SRP19: variants seen among roughly 807,000 people sequenced by gnomAD.
SRP19 encodes the protein signal recognition particle 19.
Under a neutral mutation model 22.4 loss-of-function variants are expected in SRP19, and 11 were observed. The observed-to-expected ratio is 0.49, with a 90% CI of 0.31 to 0.81. The LOEUF (loss-of-function observed/expected upper bound fraction) is 0.81. Ranked by LOEUF, SRP19 falls within the 40% of genes least tolerant of loss-of-function variation. The pLI, the probability that SRP19 is intolerant of heterozygous loss-of-function variation, is 0.05. For synonymous variants in SRP19, 61 were observed against 57.6 expected (o/e 1.06, Z -0.27); for missense variants, 168 against 175.9 (o/e 0.96, Z 0.25).
At chr5:112,883,522 C>T (rs1768139975) in intron 4 of SRP19, among the ~76,000 whole-genome samples, 1 of 152,180 alleles carries the variant, frequency 6.6e-6, no homozygotes, top group South Asian at 2.1e-4. Flanking sequence ...TGCTTCTCAT[C>T]TCTCCAGTCT....
chr5:112,865,201 T>G (rs999148018), intron 4 of SRP19: 1 of 152,586 alleles, frequency 6.6e-6, no homozygotes, highest in African/African-American at 2.4e-5. Context: ...ATATTACTAT[T>G]TATTGATAGA....
chr5:112,897,747 G>A (rs1768734083), downstream of SRP19: 1 of 152,060 alleles, frequency 6.6e-6, no homozygotes, highest in African/African-American at 2.4e-5. Context: ...TATTAACTCT[G>A]CAAAAAATAA....
intron 4 of SRP19, chr5:112,885,319 G>T: frequency 5.7e-6 from 1 of 174,392 alleles, no homozygotes; most frequent in Non-Finnish European, 1.2e-5. Flanking sequence ...ACAGCAAGTG[G>T]TAGATTTAGA....
At chr5:112,878,914 A>G (rs1208681811) in intron 4 of SRP19, 2 of 1,606,196 alleles carry the variant, frequency 1.2e-6, no homozygotes, top group South Asian at 1.1e-5. Flanking sequence ...TTTGTGCCTA[A>G]TGTAGCTACT....
At position 112,883,685 on chromosome 5, in the gene SRP19, A is replaced by C. The variant is rs73789237; in HGVS notation, c.302-7918A>C. ...TCCAGACCTGTTTCTTGAACTCTTG[A>C]CACCTGTATCCAACTAGCTATTTGA... On this transcript the variant is annotated intron_variant, in intron 4 of 4. Coordinates refer to the SRP19 transcript ENST00000391338. Among the ~76,000 whole-genome samples the C allele has an allele frequency of 7.5e-3, 1,137 of 152,268 alleles. 12 individuals are homozygous for C. Among genetic ancestry groups the C allele is most frequent in the African/African-American group, 0.026 (1,068 of 41,534 alleles).
intron 4 of SRP19, among the ~76,000 whole-genome samples, chr5:112,887,561 C>T (rs530638284): frequency 3.7e-4 from 56 of 152,182 alleles, no homozygotes; most frequent in African/African-American, 1.3e-3. Flanking sequence ...ACAGATAAGC[C>T]TAATATCTAG....
chr5:112,884,727 T>C (rs920871869), intron 4 of SRP19, among the ~76,000 whole-genome samples: 1 of 152,046 alleles, frequency 6.6e-6, no homozygotes, highest in African/African-American at 2.4e-5. Flanking sequence ...CCTTCTGGTA[T>C]AGATTTCCTA....
At chr5:112,872,322 C>CTTTT (rs759571945), downstream of SRP19, among the ~76,000 whole-genome samples, 1,045 of 92,644 alleles carry the variant, frequency 0.011, 52 homozygotes, top group East Asian at 0.029. Context: ...CCAAATGATT[C>CTTTT]TTTTTTTTTT....
exon 5 of SRP19, chr5:112,891,638 A>G (rs764465956): frequency 6.2e-7 from 1 of 1,602,100 alleles, no homozygotes; most frequent in Non-Finnish European, 8.5e-7. Flanking sequence ...GGTGCTGGCA[A>G]GATGGCTGCA....
At chr5:112,874,583 A>G (rs1767852450), downstream of SRP19, among the ~76,000 whole-genome samples, 1 of 152,330 alleles carries the variant, frequency 6.6e-6, no homozygotes, top group Non-Finnish European at 1.5e-5. Context: ...TTAAGATACA[A>G]AGATAGCATT....
intron 4 of SRP19, 99 bp from the exon 5 acceptor site, chr5:112,867,305 C>T: frequency 7.3e-7 from 1 of 1,377,784 alleles, no homozygotes; most frequent in Middle Eastern, 1.9e-4. Flanking sequence ...TTTCCATTTT[C>T]TTGATGTGAT....
At chr5:112,884,735 C>T (rs529535117) in intron 4 of SRP19, among the ~76,000 whole-genome samples, 11 of 151,680 alleles carry the variant, frequency 7.3e-5, no homozygotes, top group African/African-American at 2.4e-4. Flanking sequence ...TATAGATTTC[C>T]TAAACGTCTC....
intron 2 of SRP19, 107 bp downstream of exon 2, chr5:112,862,690 A>G (rs1767452259): frequency 1.0e-6 from 1 of 954,036 alleles, no homozygotes; most frequent in Admixed American, 2.2e-5. Flanking sequence ...CACTGCATTT[A>G]TTTAGGGCTT....
intron 2 of SRP19, 53 bp downstream of exon 2, chr5:112,862,636 T>C: frequency 6.5e-7 from 1 of 1,528,524 alleles, no homozygotes; most frequent in South Asian, 1.1e-5. Flanking sequence ...GGTGTCATCC[T>C]GGTCGGGCCA....
rs1189202252 is a variant in SRP19 at position 112,868,064 on chromosome 5, TCTGTAGATGATATTTTA to T, written c.*528_*544del. 2 of 985,374 alleles carry T rather than the reference TCTGTAGATGATATTTTA, an allele frequency of 2.0e-6. No individual in the cohort carries two copies. The highest frequency in any genetic ancestry group is 1.2e-6 in the Non-Finnish European group (1 of 829,954). The allele number at this position is 985,374 out of a possible 1,614,324, so 61.0% of individuals were successfully genotyped here. On this transcript the variant is annotated 3_prime_UTR_variant, in exon 5 of 5. Coordinates refer to ENST00000505459, the MANE Select transcript of SRP19 (RefSeq NM_003135.3). ...GACAGGGGAGTCTGTAAAAAGCCAG[TCTGTAGATGATATTTTA>T]ATATATTATTGTAATCGAATCGTTC...
In SRP19 at chr5:112,866,171, C is replaced by T. The variant is rs192504473; in HGVS notation, c.302-1233C>T. ...TGCTCTTGTTGCCCAGGCTGCAGTG[C>T]AATGGCGTGATCTTGGCTCACCGCA... On this transcript the variant is annotated intron_variant, in intron 4 of 4. Coordinates refer to ENST00000505459, the MANE Select transcript of SRP19 (RefSeq NM_003135.3). 4.2e-3 allele frequency among the ~76,000 whole-genome samples: 631 copies of T among 150,386 alleles called. 7 individuals are homozygous for T. Among genetic ancestry groups the T allele is most frequent in the African/African-American group, 0.015 (610 of 40,810 alleles).
chr5:112,882,327 A>G (rs1286188059), intron 4 of SRP19, among the ~76,000 whole-genome samples: 1 of 152,070 alleles, frequency 6.6e-6, no homozygotes. Context: ...CTCATTGTAG[A>G]TGATGATGGA....
chr5:112,896,770 T>G (rs753010317), downstream of SRP19: 1 of 151,270 alleles, frequency 6.6e-6, no homozygotes, highest in Non-Finnish European at 1.5e-5. Context: ...CCGTCTCTAC[T>G]AAAAATACAA....
downstream of SRP19, among the ~76,000 whole-genome samples, chr5:112,870,590 A>G (rs976512288): frequency 6.6e-6 from 1 of 152,122 alleles, no homozygotes; most frequent in Non-Finnish European, 1.5e-5. Context: ...CATATTTTGG[A>G]TGTCCCCTCC....
Sources: gnomAD v4.1 joint callset for allele counts (sites outside exome capture counted in the v4.1 genomes callset) on GRCh38, gnomAD v4.1.1 for gene constraint, MANE v1.5 for transcripts, NCBI Gene and HGNC (gene_info 2026-07-23, HGNC 2026-07-21) for gene names.